TTC23: variants seen among roughly 807,000 people sequenced by gnomAD.
TTC23 encodes tetratricopeptide repeat protein 23.
Under a neutral mutation model 55.1 loss-of-function variants are expected in TTC23, and 58 were observed. The observed-to-expected ratio is 1.05, with a 90% CI of 0.85 to 1.31. TTC23 has a LOEUF of 1.31. Ranked by LOEUF, TTC23 falls within the 50% of genes most tolerant of loss-of-function variation. TTC23 has a pLI of 0.00. For missense variants in TTC23, 516 were observed against 534.4 expected (o/e 0.97, Z 0.34); for synonymous variants, 203 against 199.9 (o/e 1.02, Z -0.13).
At chr15:99,250,517 G>A (rs2080640806), upstream of TTC23, among the ~76,000 whole-genome samples, 1 of 152,096 alleles carries the variant, frequency 6.6e-6, no homozygotes, top group African/African-American at 2.4e-5. Context: ...TTGTAGTAGA[G>A]GATTATACTT....
chr15:99,149,532 A>C (rs1445562981), intron 12 of TTC23, among the ~76,000 whole-genome samples: 1 of 152,212 alleles, frequency 6.6e-6, no homozygotes, highest in Non-Finnish European at 1.5e-5. Context: ...CCGCCTGGGA[A>C]ACTGGCCAAC....
At chr15:99,245,568 C>T (rs1261447669) in intron 1 of TTC23, 58 bp from the exon 2 acceptor site, 1 of 150,248 alleles carries the variant, frequency 6.7e-6, no homozygotes, top group African/African-American at 2.4e-5. Flanking sequence ...GTTGAGAGTC[C>T]AAAAATAAAC....
chr15:99,167,449 C>G (rs79924412), intron 10 of TTC23, among the ~76,000 whole-genome samples: 1 of 152,182 alleles, frequency 6.6e-6, no homozygotes, highest in Non-Finnish European at 1.5e-5. Context: ...TCCAAGGCCA[C>G]GAATCTTCTA....
chr15:99,155,481 G>A (rs910092765), intron 12 of TTC23: 4 of 152,152 alleles, frequency 2.6e-5, no homozygotes, highest in African/African-American at 7.2e-5. Context: ...AGAATAGCTA[G>A]AACACCTGAT....
intron 3 of TTC23, among the ~76,000 whole-genome samples, chr15:99,239,046 T>C (rs1475932176): frequency 1.3e-5 from 2 of 152,192 alleles, no homozygotes; most frequent in African/African-American, 4.8e-5. Context: ...AAGAGTTTGA[T>C]TGACTCATTT....
intron 10 of TTC23, among the ~76,000 whole-genome samples, chr15:99,166,022 G>A (rs1328618435): frequency 2.0e-5 from 3 of 152,138 alleles, no homozygotes; most frequent in African/African-American, 7.2e-5. Context: ...TGTCCCTAAC[G>A]ATGGGCCCTT....
chr15:99,163,587 C>A (rs954619803), intron 10 of TTC23, among the ~76,000 whole-genome samples: 2 of 152,322 alleles, frequency 1.3e-5, no homozygotes, highest in African/African-American at 4.8e-5. Flanking sequence ...AAAATGAATA[C>A]AGCCAGTGCT....
intron 9 of TTC23, among the ~76,000 whole-genome samples, chr15:99,198,504 T>C (rs1219097626): frequency 6.6e-6 from 1 of 152,188 alleles, no homozygotes; most frequent in Non-Finnish European, 1.5e-5. Flanking sequence ...GCTACCTCAA[T>C]AGCTTCCTAA....
chr15:99,142,048 T>C (rs916943786), intron 12 of TTC23, among the ~76,000 whole-genome samples: 15 of 152,182 alleles, frequency 9.9e-5, no homozygotes, highest in Non-Finnish European at 1.8e-4. Context: ...GCTCATTCCA[T>C]GGGGTTGAGC....
At position 99,199,998 on chromosome 15, in the gene TTC23, C is replaced by T; in HGVS notation, c.680G>A (p.Cys227Tyr). 1 of 1,614,120 alleles carries T rather than the reference C, an allele frequency of 6.2e-7. No homozygotes were observed. Among genetic ancestry groups the T allele is most frequent in the East Asian group, 2.2e-5 (1 of 44,876 alleles). Residue 227 changes from cysteine to tyrosine, a missense_variant, in exon 9 of 14, where the codon TGT (cysteine) becomes TAT (tyrosine). Cys to Tyr is a radical substitution (Grantham distance 194). Transcript: ENST00000394132. ...EISKGETSRE[C>Y]VPILRELAGV... is the part of the protein sequence containing the mutation. Reference sequence around the variant, plus strand: ...TGCTAATTCTCTCAATATGGGTACACACTCACGACTTGTTTCACCTTTACT... The same window carrying T: ...TGCTAATTCTCTCAATATGGGTACATACTCACGACTTGTTTCACCTTTACT...
At chr15:99,188,572 T>C (rs1205209550) in intron 9 of TTC23, among the ~76,000 whole-genome samples, 1 of 152,032 alleles carries the variant, frequency 6.6e-6, no homozygotes, top group Non-Finnish European at 1.5e-5. Context: ...GGGCAATATG[T>C]ATAAGATATG....
At chr15:99,196,198 T>C (rs2075695202) in intron 9 of TTC23, among the ~76,000 whole-genome samples, 1 of 145,800 alleles carries the variant, frequency 6.9e-6, no homozygotes, top group Non-Finnish European at 1.5e-5. Context: ...ACATAAAAAA[T>C]TAAAGTAAAT....
At chr15:99,202,497 G>A (rs550982285) in intron 8 of TTC23, among the ~76,000 whole-genome samples, 267 of 152,204 alleles carry the variant, frequency 1.8e-3, no homozygotes, top group Middle Eastern at 6.8e-3. Context: ...GAGCAAAAAA[G>A]AAAACAATAA....
At chr15:99,161,566 C>T (rs2071382521) in intron 11 of TTC23, among the ~76,000 whole-genome samples, 174 bp downstream of exon 11, 1 of 152,170 alleles carries the variant, frequency 6.6e-6, no homozygotes, top group Non-Finnish European at 1.5e-5. Flanking sequence ...CTTCTAAGAG[C>T]AAGTATCTCT....
intron 12 of TTC23, among the ~76,000 whole-genome samples, chr15:99,154,987 A>C (rs1226471102): frequency 6.6e-6 from 1 of 152,370 alleles, no homozygotes; most frequent in African/African-American, 2.4e-5. Flanking sequence ...AATTGGAGGC[A>C]TAAGAACTGG....
chr15:99,234,530 C>T (rs1245536201), intron 4 of TTC23, among the ~76,000 whole-genome samples: 1 of 152,088 alleles, frequency 6.6e-6, no homozygotes, highest in Non-Finnish European at 1.5e-5. Flanking sequence ...GCCACCATGC[C>T]TGGCTAAATT....
chr15:99,241,210 G>GA (rs1344513976), intron 3 of TTC23, among the ~76,000 whole-genome samples, 155 bp downstream of exon 3: 9 of 152,120 alleles, frequency 5.9e-5, no homozygotes, highest in African/African-American at 2.2e-4. Context: ...CAGCGACTCG[G>GA]AGGCTGAGGC....
chr15:99,152,790 C>A (rs73480193), intron 12 of TTC23, among the ~76,000 whole-genome samples: 1,696 of 152,080 alleles, frequency 0.011, 48 homozygotes, highest in African/African-American at 0.039. Flanking sequence ...GGTGTAACAA[C>A]CACTCAAAAA....
chr15:99,148,850 T>G (rs950578108), intron 12 of TTC23: 6 of 152,238 alleles, frequency 3.9e-5, no homozygotes, highest in African/African-American at 1.2e-4. Context: ...CAGATGCCTT[T>G]AAAAGGCAGA....
Sources: allele counts gnomAD v4.1 joint callset (sites outside exome capture counted in the v4.1 genomes callset), GRCh38; gene constraint gnomAD v4.1.1; transcripts MANE v1.5; gene names NCBI Gene and HGNC (gene_info 2026-07-23, HGNC 2026-07-21).